The following ODF2L variants were observed in gnomAD, a reference collection of about 807,000 sequenced individuals.
The protein encoded by ODF2L is protein BCAP.
Under a neutral mutation model 86.3 loss-of-function variants are expected in ODF2L, and 76 were observed. The ratio of observed to expected loss-of-function variants is 0.88; its 90% CI spans 0.73 to 1.07. ODF2L has a LOEUF of 1.07. Among genes scored for constraint, ODF2L ranks in the 50% least tolerant of loss-of-function variants. The probability of loss-of-function intolerance (pLI) is 0.00; values close to 1 mark genes in which losing one functional copy is unlikely to be tolerated. For synonymous variants in ODF2L, 241 were observed against 231.3 expected, an observed-to-expected ratio of 1.04 and a Z score of -0.38; for missense variants, 748 against 717.4, an observed-to-expected ratio of 1.04 and a Z score of -0.49.
intron 4 of ODF2L, among the ~76,000 whole-genome samples, chr1:86,383,950 C>A (rs1337012908): frequency 1.3e-5 from 2 of 151,698 alleles, no homozygotes; most frequent in African/African-American, 4.8e-5. Flanking sequence ...CGTATATATG[C>A]ACACGTAACA....
intron 4 of ODF2L, among the ~76,000 whole-genome samples, chr1:86,383,799 T>G (rs1024455188): frequency 1.3e-5 from 2 of 151,778 alleles, no homozygotes; most frequent in Non-Finnish European, 3.0e-5. Flanking sequence ...GATCCATAAG[T>G]GTTCAAAGAG....
At chr1:86,395,101 C>T (rs1207856185) in intron 1 of ODF2L, among the ~76,000 whole-genome samples, 1 of 152,130 alleles carries the variant, frequency 6.6e-6, no homozygotes, top group Non-Finnish European at 1.5e-5. Context: ...CCTCGGCCTC[C>T]CAAAGTGCTG....
exon 7 of ODF2L, chr1:86,382,264 T>C (rs752611979): frequency 5.6e-6 from 9 of 1,611,112 alleles, no homozygotes; most frequent in South Asian, 1.1e-5. Flanking sequence ...TTTCAACTTA[T>C]CGTTCTCGGC....
At chr1:86,350,165 G>A (rs1211420721) in exon 18 of ODF2L, 1 of 171,280 alleles carries the variant, frequency 5.8e-6, no homozygotes, top group African/African-American at 2.4e-5. Context: ...GTACAGGTTG[G>A]TTACATAGGT....
chr1:86,385,583 G>C (rs377223863), exon 3 of ODF2L: 12 of 1,609,808 alleles, frequency 7.5e-6, no homozygotes, highest in Non-Finnish European at 1.0e-5. Flanking sequence ...AGAATGTCCT[G>C]CTTCAGGCTA....
chr1:86,367,562 A>C (rs968198066), intron 11 of ODF2L, among the ~76,000 whole-genome samples: 8 of 151,614 alleles, frequency 5.3e-5, no homozygotes, highest in African/African-American at 9.7e-5. Context: ...AGGGAAAAAA[A>C]AAAACAAAAC....
downstream of ODF2L, chr1:86,348,791 A>G (rs764749631): frequency 3.9e-6 from 6 of 1,540,614 alleles, no homozygotes; most frequent in Non-Finnish European, 5.2e-6. Flanking sequence ...AGAAACTGTA[A>G]ATAATTCTTA....
chr1:86,351,454 ATCTGT>A (rs1658133198), exon 18 of ODF2L: 1 of 152,002 alleles, frequency 6.6e-6, no homozygotes, highest in Admixed American at 6.6e-5. Context: ...TGGTCTATAT[ATCTGT>A]TTTGGCACCA....
chr1:86,385,307 T>C (rs1346063795), intron 3 of ODF2L, 151 bp downstream of exon 3: 2 of 506,642 alleles, frequency 3.9e-6, no homozygotes, highest in Non-Finnish European at 7.0e-6. Flanking sequence ...CTGTAGTTAA[T>C]GACACAGGAA....
downstream of ODF2L, chr1:86,349,467 A>G (rs984194103): frequency 3.9e-5 from 6 of 152,192 alleles, no homozygotes; most frequent in African/African-American, 1.4e-4. Flanking sequence ...CTAGCCTCCA[A>G]TTAAAATATA....
At chr1:86,374,187 T>G (rs1660013804) in intron 8 of ODF2L, among the ~76,000 whole-genome samples, 1 of 152,240 alleles carries the variant, frequency 6.6e-6, no homozygotes, top group African/African-American at 2.4e-5. Flanking sequence ...TGCAAGACTT[T>G]TTTGTTTAAA....
intron 13 of ODF2L, chr1:86,357,939 G>C: frequency 1.0e-6 from 1 of 985,254 alleles, no homozygotes; most frequent in Non-Finnish European, 1.2e-6. Flanking sequence ...GAGACCAAAA[G>C]ACATGAAATG....
chr1:86,348,910 CAAT>C (rs763215464), downstream of ODF2L: 27 of 1,533,666 alleles, frequency 1.8e-5, no homozygotes, highest in Admixed American at 2.1e-4. Context: ...TACAGATAAG[CAAT>C]AATAGCATTC....
At chr1:86,366,219 T>C (rs987791483) in intron 11 of ODF2L, among the ~76,000 whole-genome samples, 55 of 151,976 alleles carry the variant, frequency 3.6e-4, no homozygotes, top group African/African-American at 1.3e-3. Context: ...AAAAAGAGTA[T>C]CACGAGAGAG....
intron 1 of ODF2L, among the ~76,000 whole-genome samples, chr1:86,389,622 A>C (rs115552311): frequency 1.1e-3 from 152 of 143,224 alleles, no homozygotes; most frequent in Middle Eastern, 3.6e-3. Flanking sequence ...TTGAAAAGAT[A>C]AATAAAACTG....
At chr1:86,386,496 C>G (rs1378639439) in intron 2 of ODF2L, 1 of 155,440 alleles carries the variant, frequency 6.4e-6, no homozygotes, top group Non-Finnish European at 1.4e-5. Flanking sequence ...AGTGATTCTT[C>G]TACCACAGCC....
intron 9 of ODF2L, 86 bp from the exon 10 acceptor site, chr1:86,371,239 T>G: frequency 1.5e-6 from 1 of 652,350 alleles, no homozygotes; most frequent in Non-Finnish European, 2.4e-6. Context: ...TGAAATCACT[T>G]TGGCCGGGTG....
intron 7 of ODF2L, among the ~76,000 whole-genome samples, chr1:86,379,904 C>A (rs796454243): frequency 2.6e-5 from 4 of 152,056 alleles, no homozygotes; most frequent in African/African-American, 9.7e-5. Flanking sequence ...CTCTTGGTGA[C>A]ATGATGAGAG....
chr1:86,359,836 T>C (rs540859850), intron 12 of ODF2L, among the ~76,000 whole-genome samples: 3 of 152,212 alleles, frequency 2.0e-5, no homozygotes, highest in African/African-American at 7.2e-5. Flanking sequence ...ATTCTTTAAT[T>C]CAAACTCTCT....
Sources: allele counts gnomAD v4.1 joint callset (sites outside exome capture counted in the v4.1 genomes callset), GRCh38; gene constraint gnomAD v4.1.1; transcripts MANE v1.5; gene names NCBI Gene and HGNC (gene_info 2026-07-23, HGNC 2026-07-21).